MAP3K7: variants seen among roughly 807,000 people sequenced by gnomAD.
MAP3K7 encodes TGF-beta activated kinase 1.
MAP3K7 carries 21 observed loss-of-function variants against 84.8 expected under a neutral mutation model. The ratio of observed to expected loss-of-function variants is 0.25; its 90% CI spans 0.18 to 0.36. MAP3K7 has a LOEUF of 0.36. MAP3K7 is among the 10% of genes least tolerant of loss of function. The pLI, the probability that MAP3K7 is intolerant of heterozygous loss-of-function variation, is 1.00. For missense variants in MAP3K7, 503 were observed against 747.7 expected, an observed-to-expected ratio of 0.67 and a Z score of 3.82; for synonymous variants, 241 against 247.7, an observed-to-expected ratio of 0.97 and a Z score of 0.25.
In MAP3K7 at chr6:90,552,249, G is replaced by C. The variant is rs142761539; in HGVS notation, c.737-70C>G. ...AAAGAATGATGCAAACTCTTTGTACGTATTTCCAAAGTGGTATTTATTTTA... is the reference window on the plus strand; with the variant it reads ...AAAGAATGATGCAAACTCTTTGTACCTATTTCCAAAGTGGTATTTATTTTA... On this transcript the variant is annotated intron_variant, in intron 7 of 16. Coordinates refer to ENST00000369329, the MANE Select transcript of MAP3K7 (RefSeq NM_145331.3). 160 of 1,373,474 alleles carry C rather than the reference G, an allele frequency of 1.2e-4. 2 individuals are homozygous for C. In the Middle Eastern group the frequency reaches 1.7e-3, roughly 15 times the overall value. 85.1% of individuals were successfully genotyped at this position (1,373,474 alleles called of 1,614,324 possible).
intron 1 of MAP3K7, among the ~76,000 whole-genome samples, chr6:90,576,267 CA>C (rs1224847418): frequency 6.6e-6 from 1 of 151,804 alleles, no homozygotes; most frequent in Non-Finnish European, 1.5e-5. Flanking sequence ...ACTAAAAATA[CA>C]AAAAATTAAC....
intron 5 of MAP3K7, among the ~76,000 whole-genome samples, chr6:90,558,891 A>G (rs911050044): frequency 2.0e-5 from 3 of 152,226 alleles, no homozygotes; most frequent in Non-Finnish European, 4.4e-5. Context: ...CTCTTTTAGG[A>G]AAAGAATGCT....
chr6:90,525,019 G>A (rs557730059), intron 13 of MAP3K7, among the ~76,000 whole-genome samples: 7 of 146,652 alleles, frequency 4.8e-5, no homozygotes, highest in African/African-American at 1.7e-4. Context: ...CTCAAAACTT[G>A]AAAGAAAAGA....
chr6:90,556,688 G>C, intron 5 of MAP3K7, 64 bp from the exon 6 acceptor site: 1 of 1,471,560 alleles, frequency 6.8e-7, no homozygotes, highest in South Asian at 1.3e-5. Flanking sequence ...TACAATAAAA[G>C]AAGAGACATT....
chr6:90,586,335 G>A (rs961486849), intron 1 of MAP3K7, among the ~76,000 whole-genome samples: 3 of 138,358 alleles, frequency 2.2e-5, no homozygotes, highest in African/African-American at 8.2e-5. Flanking sequence ...TTGCGCCACT[G>A]CAGTCCGCAG....
rs1777490720 is a variant in MAP3K7, at chr6:90,587,053, G to C, written c.-170C>G. The C allele has an allele frequency of 2.7e-6, 2 of 747,674 alleles. No individual in the cohort carries two copies. Among genetic ancestry groups the C allele is most frequent in the African/African-American group, 1.9e-5 (1 of 53,592 alleles). The allele number at this position is 747,674 out of a possible 1,614,324, so 46.3% of individuals were successfully genotyped here. A position where few individuals can be genotyped will look rare whatever the true frequency, so the allele number is the denominator to read the frequency against. On this transcript the variant is annotated 5_prime_UTR_variant, in exon 1 of 17. Coordinates refer to ENST00000369329, the MANE Select transcript of MAP3K7 (RefSeq NM_145331.3). ...GCGGCCACAGCCGTGTCCGGCTCTGGCTCCGCTGCGTTTTCCGCCGACGGG... is the reference window on the plus strand; with the variant it reads ...GCGGCCACAGCCGTGTCCGGCTCTGCCTCCGCTGCGTTTTCCGCCGACGGG...
chr6:90,516,931 T>G (rs1450587202), intron 16 of MAP3K7, among the ~76,000 whole-genome samples: 1 of 151,918 alleles, frequency 6.6e-6, no homozygotes, highest in Non-Finnish European at 1.5e-5. Context: ...AATGGTAAAA[T>G]AAAAGTTTCA....
chr6:90,570,029 A>G (rs879393885), intron 2 of MAP3K7, among the ~76,000 whole-genome samples: 2 of 152,088 alleles, frequency 1.3e-5, no homozygotes, highest in Non-Finnish European at 2.9e-5. Context: ...ACTATTTATT[A>G]TATTTATTTA....
At chr6:90,552,252 T>A (rs1038146634) in intron 7 of MAP3K7, 73 bp from the exon 8 acceptor site, 1 of 1,343,566 alleles carries the variant, frequency 7.4e-7, no homozygotes, top group Non-Finnish European at 1.0e-6. Context: ...TTTGTACGTA[T>A]TTCCAAAGTG....
chr6:90,576,089 G>C (rs1454706543), intron 1 of MAP3K7, among the ~76,000 whole-genome samples: 1 of 152,110 alleles, frequency 6.6e-6, no homozygotes, highest in Non-Finnish European at 1.5e-5. Context: ...CAAGAGACTA[G>C]TGGCAGCTCC....
chr6:90,569,344 A>C (rs542643627), intron 2 of MAP3K7, among the ~76,000 whole-genome samples: 7 of 152,022 alleles, frequency 4.6e-5, no homozygotes, highest in African/African-American at 1.5e-4. Flanking sequence ...CCCAACCTGA[A>C]CTGCTGCAGT....
rs1774923900 is a variant in MAP3K7, at chr6:90,515,312, G to T, written c.*1189C>A. 1 of 151,886 alleles carries T rather than the reference G, an allele frequency of 6.6e-6. No homozygotes were observed. Among genetic ancestry groups the T allele is most frequent in the Non-Finnish European group, 1.5e-5 (1 of 67,878 alleles). The allele number at this position is 151,886 out of a possible 1,614,324, so 9.4% of individuals were successfully genotyped here. On this transcript the variant is annotated 3_prime_UTR_variant, in exon 17 of 17. Coordinates refer to ENST00000369329, the MANE Select transcript of MAP3K7 (RefSeq NM_145331.3). ...AGTTTGTATAGTCTATTATTTCAGT[G>T]TCATTTTATTATTAAAGTTATTCTG...
At chr6:90,532,204 T>C (rs1252713089) in intron 13 of MAP3K7, among the ~76,000 whole-genome samples, 1 of 152,200 alleles carries the variant, frequency 6.6e-6, no homozygotes, top group Admixed American at 6.5e-5. Context: ...GCAAATACTT[T>C]CCATGATCCT....
intron 1 of MAP3K7, among the ~76,000 whole-genome samples, chr6:90,576,872 G>A (rs546819421): frequency 1.3e-5 from 2 of 152,288 alleles, no homozygotes; most frequent in South Asian, 2.1e-4. Context: ...GTAAGGTAAG[G>A]CTGGAGGGAC....
At chr6:90,545,678 T>C (rs1032091575) in intron 11 of MAP3K7, among the ~76,000 whole-genome samples, 3 of 152,152 alleles carry the variant, frequency 2.0e-5, no homozygotes, top group Non-Finnish European at 4.4e-5. Context: ...TGATAGTTTC[T>C]GAAGACCCAT....
chr6:90,536,784 C>T (rs985434989), intron 12 of MAP3K7: 7 of 174,542 alleles, frequency 4.0e-5, no homozygotes, highest in Non-Finnish European at 7.4e-5. Context: ...ACAGTTTTTA[C>T]AGCAAGACAG....
chr6:90,586,860 G>A lies in MAP3K7; in HGVS notation c.24C>T (p.Ser8=), dbSNP rs1183864095. Reference sequence around the variant, plus strand: ...CACCGGCCGAAGACGAGGAGGAGGAGGAGGCGGCAGAGGCTGTAGACATGA... The same window carrying A: ...CACCGGCCGAAGACGAGGAGGAGGAAGAGGCGGCAGAGGCTGTAGACATGA... MSTASAA[S]SSSSSSAGEM... Residue 8 remains serine (S), a synonymous_variant, in exon 1 of 17, where the codon TCC becomes TCT. Transcript: ENST00000369329. The A allele has an allele frequency of 8.7e-6, 14 of 1,611,202 alleles. No individual in the cohort carries two copies. The highest frequency in any genetic ancestry group is 2.3e-5 in the East Asian group (1 of 44,424).
intron 3 of MAP3K7, among the ~76,000 whole-genome samples, chr6:90,562,194 A>G (rs1002393435): frequency 3.3e-5 from 5 of 152,188 alleles, no homozygotes; most frequent in Non-Finnish European, 7.4e-5. Context: ...TGCATTTCCA[A>G]CTGAGGTACA....
At chr6:90,570,659 T>G (rs1582232423) in intron 2 of MAP3K7, among the ~76,000 whole-genome samples, 1 of 152,336 alleles carries the variant, frequency 6.6e-6, no homozygotes, top group East Asian at 1.9e-4. Flanking sequence ...GAGAACCATT[T>G]GATTTTTTAC....
Sources: gnomAD v4.1 joint callset for allele counts (sites outside exome capture counted in the v4.1 genomes callset) on GRCh38, gnomAD v4.1.1 for gene constraint, MANE v1.5 for transcripts, NCBI Gene and HGNC (gene_info 2026-07-23, HGNC 2026-07-21) for gene names.